Variants in LRRC9 observed in about 807,000 individuals in gnomAD.
LRRC9 encodes the protein leucine-rich repeat-containing protein 9.
Under a neutral mutation model 63.2 loss-of-function variants are expected in LRRC9, and 122 were observed. That is an observed-to-expected ratio of 1.93 (90% CI 1.67 to 2.24). LRRC9 has a LOEUF of 2.24. Ranked by LOEUF, LRRC9 falls within the 30% of genes most tolerant of loss-of-function variation. The pLI is 0.00. For synonymous variants in LRRC9, 366 were observed against 213.1 expected, an observed-to-expected ratio of 1.72 and a Z score of -6.25; for missense variants, 1,071 against 627.7, an observed-to-expected ratio of 1.71 and a Z score of -7.55.
intron 27 of LRRC9, 58 bp downstream of exon 27, chr14:60,022,928 C>A: frequency 2.2e-6 from 1 of 445,638 alleles, no homozygotes; most frequent in South Asian, 5.5e-5. Context: ...ATTTTATCAT[C>A]ATTCTGTTTT....
chr14:60,026,710 T>G (rs2140309978), intron 27 of LRRC9, among the ~76,000 whole-genome samples: 1 of 152,224 alleles, frequency 6.6e-6, no homozygotes, highest in South Asian at 2.1e-4. Flanking sequence ...TCATTTCTTC[T>G]GCATATGGAT....
chr14:59,984,889 T>A (rs1887295972), intron 16 of LRRC9, among the ~76,000 whole-genome samples: 2 of 152,212 alleles, frequency 1.3e-5, no homozygotes, highest in African/African-American at 4.8e-5. Context: ...AAGAACCAGG[T>A]CTAGTGATAC....
intron 17 of LRRC9, among the ~76,000 whole-genome samples, chr14:59,991,795 C>G (rs1642556): frequency 0.56 from 80,081 of 142,520 alleles, 22,239 homozygotes; most frequent in Non-Finnish European, 0.66. Context: ...GCCCAGGCTT[C>G]AGTAGGTAAA....
chr14:60,012,949 TTTA>T (rs1555383118), intron 23 of LRRC9, among the ~76,000 whole-genome samples: 3 of 151,400 alleles, frequency 2.0e-5, no homozygotes, highest in Admixed American at 1.3e-4. Context: ...TATTTATTTA[TTTA>T]TTTTTTTAAT....
At chr14:59,994,843 A>G (rs954914241) in intron 17 of LRRC9, among the ~76,000 whole-genome samples, 1 of 147,790 alleles carries the variant, frequency 6.8e-6, no homozygotes, top group Non-Finnish European at 1.5e-5. Context: ...GGGGAACATC[A>G]CACACCGGGG....
intron 12 of LRRC9, chr14:59,973,564 C>T (rs1263504466): frequency 6.6e-6 from 1 of 152,024 alleles, no homozygotes; most frequent in Non-Finnish European, 1.5e-5. Context: ...TTGCATATAA[C>T]CTACACATAT....
At chr14:59,955,345 T>C (rs1046397092) in intron 8 of LRRC9, among the ~76,000 whole-genome samples, 1 of 152,212 alleles carries the variant, frequency 6.6e-6, no homozygotes, top group African/African-American at 2.4e-5. Flanking sequence ...TTTTCATGGA[T>C]TCAACTTCTT....
intron 8 of LRRC9, among the ~76,000 whole-genome samples, chr14:59,953,747 C>G (rs1479236551): frequency 6.6e-6 from 1 of 152,140 alleles, no homozygotes; most frequent in African/African-American, 2.4e-5. Context: ...TGCTTATGTC[C>G]TGCATGGTAT....
Position 60,016,799 on chromosome 14 carries a change from AT to A in LRRC9, c.3317+13del, listed in dbSNP as rs1170599688. ...ACTTCATCATCTATTAGGTACAATCATTTTATTATATGCCTTTTTACATTAT... is the reference window on the plus strand; with the variant it reads ...ACTTCATCATCTATTAGGTACAATCATTTATTATATGCCTTTTTACATTAT... On this transcript the variant is annotated intron_variant, in intron 24 of 31. Transcript: ENST00000445360. The A allele has an allele frequency of 1.5e-6, 1 of 671,224 alleles. No individual in the cohort carries two copies. Among genetic ancestry groups the A allele is most frequent in the South Asian group, 1.6e-5 (1 of 63,808 alleles). 41.6% of individuals were successfully genotyped at this position (671,224 alleles called of 1,614,324 possible). A position where few individuals can be genotyped will look rare whatever the true frequency, so the allele number is the denominator to read the frequency against.
At position 59,958,798 on chromosome 14, in the gene LRRC9, G is replaced by A. The variant is rs143145092; in HGVS notation, c.883-1020G>A. 9.6e-3 allele frequency among the ~76,000 whole-genome samples: 1,469 copies of A among 152,330 alleles called. 19 individuals carry two copies. The highest frequency in any genetic ancestry group is 0.014 in the Non-Finnish European group (919 of 68,036). On this transcript the variant is annotated intron_variant, in intron 8 of 31. Transcript: ENST00000445360. This position sits in a 1 kb window ranked among gnomAD's most constrained non-coding sequence, Gnocchi z 4.0. Reference sequence around the variant, plus strand: ...TCCTGATCTGCAGATTGCAAAAACGGTGGGAAAAGCATAGTAACCCGGCTG... The same window carrying A: ...TCCTGATCTGCAGATTGCAAAAACGATGGGAAAAGCATAGTAACCCGGCTG...
At chr14:60,028,246 T>G in intron 28 of LRRC9, 145 bp downstream of exon 28, 1 of 578,724 alleles carries the variant, frequency 1.7e-6, no homozygotes, top group Non-Finnish European at 3.1e-6. Context: ...GTCATAGAAA[T>G]AGTCTGTGAT....
intron 8 of LRRC9, among the ~76,000 whole-genome samples, chr14:59,955,145 A>G (rs200515520): frequency 6.6e-6 from 1 of 152,104 alleles, no homozygotes; most frequent in Non-Finnish European, 1.5e-5. Context: ...TATCAGGATG[A>G]TGCTGGCCTC....
intron 21 of LRRC9, 72 bp from the exon 22 acceptor site, chr14:60,006,325 C>T (rs539817235): frequency 1.6e-6 from 1 of 607,876 alleles, no homozygotes; most frequent in East Asian, 2.8e-5. Flanking sequence ...AATAAAATGA[C>T]CAGCCACTTA....
chr14:59,961,151 C>T, intron 10 of LRRC9, 106 bp downstream of exon 10: 1 of 505,464 alleles, frequency 2.0e-6, no homozygotes, highest in Non-Finnish European at 3.5e-6. Flanking sequence ...ATTTTTGAAA[C>T]ATTTCTCATG....
chr14:60,028,883 A>G (rs949116183), intron 28 of LRRC9, among the ~76,000 whole-genome samples: 14 of 152,168 alleles, frequency 9.2e-5, no homozygotes, highest in Non-Finnish European at 1.5e-5. Flanking sequence ...TAGGTACTCC[A>G]TAAATGTTTG....
rs28731367 is a variant in LRRC9, at chr14:59,938,285, G to A, written c.544-105G>A. 0.052 allele frequency: 25,630 copies of A among 492,760 alleles called. 3,332 individuals carry two copies. Among genetic ancestry groups the A allele is most frequent in the African/African-American group, 0.32 (16,171 of 49,866 alleles). 30.5% of individuals were successfully genotyped at this position (492,760 alleles called of 1,614,324 possible). A position where few individuals can be genotyped will look rare whatever the true frequency, so the allele number is the denominator to read the frequency against. ...CTAAATCACTTTAATGTATTTAAGC[G>A]CATAATTAGAATGCATTAGACTATG... On this transcript the variant is annotated intron_variant, in intron 6 of 31. Coordinates refer to ENST00000445360, the Ensembl canonical transcript of LRRC9. This position sits in a 1 kb window ranked among gnomAD's most constrained non-coding sequence, Gnocchi z 4.2.
At chr14:59,941,439 A>G (rs1227868536) in intron 7 of LRRC9, among the ~76,000 whole-genome samples, 1 of 151,586 alleles carries the variant, frequency 6.6e-6, no homozygotes, top group East Asian at 1.9e-4. Flanking sequence ...TTAAATTTAA[A>G]TTTTAGATAA....
exon 10 of LRRC9, chr14:59,960,950 G>A: frequency 1.4e-6 from 1 of 691,106 alleles, no homozygotes; most frequent in Admixed American, 2.1e-5. Context: ...TAAAACAAAA[G>A]AAGAAAAGTC....
exon 28 of LRRC9, chr14:60,028,024 A>G (rs1175281471): frequency 1.4e-6 from 1 of 701,870 alleles, no homozygotes; most frequent in Admixed American, 2.0e-5. Flanking sequence ...CTTGGAGGAA[A>G]ACAGACTACG....
Sources: gnomAD v4.1 joint callset for allele counts (sites outside exome capture counted in the v4.1 genomes callset) on GRCh38, gnomAD v4.1.1 for gene constraint, Gnocchi (gnomAD v3.1) non-coding constraint, MANE v1.5 for transcripts, NCBI Gene and HGNC (gene_info 2026-07-23, HGNC 2026-07-21) for gene names.